Variants in UNC13C observed in about 807,000 individuals in gnomAD.
UNC13C encodes protein unc-13 homolog C.
A neutral mutation model predicts 245.4 loss-of-function variants in UNC13C; 174 were observed. That is an observed-to-expected ratio of 0.71 (90% CI 0.63 to 0.80). UNC13C has a LOEUF of 0.80. Among genes scored for constraint, UNC13C ranks in the 30% least tolerant of loss-of-function variants. UNC13C has a pLI of 0.00. For synonymous variants in UNC13C, 992 were observed against 895.1 expected, an observed-to-expected ratio of 1.11 and a Z score of -1.93; for missense variants, 2,829 against 2,602.9, an observed-to-expected ratio of 1.09 and a Z score of -1.89.
chr15:53,857,144 T>C, the UNC13C span, among the ~76,000 whole-genome samples: 1 of 152,098 alleles, frequency 6.6e-6, no homozygotes, highest in East Asian at 1.9e-4. Context: ...TATATCACTT[T>C]CCTTTTTGTG....
At chr15:54,448,288 G>C (rs933556438) in intron 19 of UNC13C, among the ~76,000 whole-genome samples, 2 of 152,164 alleles carry the variant, frequency 1.3e-5, no homozygotes, top group Admixed American at 6.5e-5. Flanking sequence ...TGTCTAGTAG[G>C]TCCGCTTGGT....
intron 1 of UNC13C, among the ~76,000 whole-genome samples, chr15:54,000,374 C>A (rs1026537763): frequency 6.6e-6 from 1 of 152,090 alleles, no homozygotes; most frequent in African/African-American, 2.4e-5. Context: ...AGCATTGTAA[C>A]TATTCTTGGA....
chr15:54,070,813 A>G (rs549121998), intron 2 of UNC13C, among the ~76,000 whole-genome samples: 7 of 152,248 alleles, frequency 4.6e-5, no homozygotes, highest in East Asian at 1.9e-4. Context: ...CAGAGAGTGA[A>G]GTAAAGTTTA....
chr15:54,462,269 G>C (rs1436823096), intron 19 of UNC13C, among the ~76,000 whole-genome samples: 1 of 152,248 alleles, frequency 6.6e-6, no homozygotes. Context: ...GTGGATATAA[G>C]AGGGAGTGAA....
At chr15:54,026,558 C>G (rs114330912) in intron 2 of UNC13C, among the ~76,000 whole-genome samples, 1 of 152,168 alleles carries the variant, frequency 6.6e-6, no homozygotes, top group East Asian at 1.9e-4. Flanking sequence ...GACATAGATT[C>G]CTTCATCCAG....
intron 19 of UNC13C, among the ~76,000 whole-genome samples, chr15:54,455,824 G>A (rs981130574): frequency 1.3e-5 from 2 of 152,008 alleles, no homozygotes; most frequent in Non-Finnish European, 2.9e-5. Context: ...TGGGATGTCT[G>A]TTTACTCTGC....
intron 4 of UNC13C, among the ~76,000 whole-genome samples, chr15:54,191,114 A>G (rs935972896): frequency 6.6e-6 from 1 of 152,130 alleles, no homozygotes; most frequent in African/African-American, 2.4e-5. Context: ...GGTTTGTTAC[A>G]TAGGTATACA....
chr15:54,382,720 A>T (rs2039754062), intron 17 of UNC13C, among the ~76,000 whole-genome samples: 1 of 152,172 alleles, frequency 6.6e-6, no homozygotes, highest in Admixed American at 6.6e-5. Flanking sequence ...GTGAGAGCAG[A>T]ACTAAACAAA....
At chr15:54,058,783 C>T (rs1483131392) in intron 2 of UNC13C, among the ~76,000 whole-genome samples, 1 of 152,120 alleles carries the variant, frequency 6.6e-6, no homozygotes, top group African/African-American at 2.4e-5. Context: ...GGGCTTCATC[C>T]CTGGGATGCA....
chr15:53,999,109 C>A (rs748381383), intron 1 of UNC13C, among the ~76,000 whole-genome samples: 11 of 151,984 alleles, frequency 7.2e-5, no homozygotes, highest in Non-Finnish European at 1.5e-4. Flanking sequence ...GGTTTTGTGG[C>A]CAAATAAAGC....
At chr15:54,530,112 T>C (rs907496212) in intron 25 of UNC13C, among the ~76,000 whole-genome samples, 3 of 152,204 alleles carry the variant, frequency 2.0e-5, no homozygotes, top group African/African-American at 4.8e-5. Flanking sequence ...AAGGAGATGG[T>C]CCATTGATGC....
intron 19 of UNC13C, among the ~76,000 whole-genome samples, chr15:54,446,888 T>A (rs929021397): frequency 6.6e-6 from 1 of 152,200 alleles, no homozygotes; most frequent in Non-Finnish European, 1.5e-5. Flanking sequence ...AGGGAATGCT[T>A]CCAGTTTTTG....
the UNC13C span, among the ~76,000 whole-genome samples, chr15:53,918,009 T>G: frequency 6.6e-6 from 1 of 152,072 alleles, no homozygotes; most frequent in African/African-American, 2.4e-5. Context: ...GCACGGGGGG[T>G]AGCAGTTGGA....
chr15:54,140,688 A>G (rs2031977005), intron 2 of UNC13C, among the ~76,000 whole-genome samples: 1 of 152,232 alleles, frequency 6.6e-6, no homozygotes, highest in Non-Finnish European at 1.5e-5. Context: ...TTCAAAGAAC[A>G]TGGCACAGAA....
intron 17 of UNC13C, among the ~76,000 whole-genome samples, chr15:54,365,482 A>G (rs1324641476): frequency 6.6e-6 from 1 of 152,194 alleles, no homozygotes; most frequent in African/African-American, 2.4e-5. Flanking sequence ...CCATGAAACC[A>G]TCACCACCAT....
At chr15:54,313,772 T>C (rs74015156) in intron 13 of UNC13C, among the ~76,000 whole-genome samples, 2,496 of 151,594 alleles carry the variant, frequency 0.016, 78 homozygotes, top group African/African-American at 0.058. Context: ...ATACACAATA[T>C]TGAAGAAAGA....
In UNC13C at chr15:54,093,276, T is replaced by C. The variant is rs12901158; in HGVS notation, c.2984-49742T>C. Among the ~76,000 whole-genome samples, 1,071 of 152,278 alleles carry C rather than the reference T, an allele frequency of 7.0e-3. 4 individuals carry two copies. Among genetic ancestry groups the C allele is most frequent in the Non-Finnish European group, 0.011 (779 of 68,010 alleles). On this transcript the variant is annotated intron_variant, in intron 2 of 32. Coordinates refer to ENST00000260323, the MANE Select transcript of UNC13C (RefSeq NM_001080534.3). ...AGCCAAATATGTTTAACGGGCTTAA[T>C]CAATATTGCATAGATAAAATAACTG...
At chr15:53,915,050 T>C in the UNC13C span, among the ~76,000 whole-genome samples, 13 of 152,170 alleles carry the variant, frequency 8.5e-5, no homozygotes, top group Non-Finnish European at 1.3e-4. Context: ...ATTATTTCAC[T>C]AAAGAGAACA....
chr15:54,450,054 C>T (rs923786110), intron 19 of UNC13C, among the ~76,000 whole-genome samples: 1 of 152,172 alleles, frequency 6.6e-6, no homozygotes, highest in Non-Finnish European at 1.5e-5. Flanking sequence ...ACCCTGTTTG[C>T]CTGGGTATCA....
Sources: gnomAD v4.1 joint callset for allele counts (sites outside exome capture counted in the v4.1 genomes callset) on GRCh38, gnomAD v4.1.1 for gene constraint, MANE v1.5 for transcripts, NCBI Gene and HGNC (gene_info 2026-07-23, HGNC 2026-07-21) for gene names.